The following C16orf90 variants were observed in gnomAD, a reference collection of about 807,000 sequenced individuals.
The protein encoded by C16orf90 is uncharacterized protein C16orf90.
Under a neutral mutation model 17.1 loss-of-function variants are expected in C16orf90, and 17 were observed. The observed-to-expected ratio is 1.00, with a 90% CI of 0.68 to 1.49. The LOEUF (loss-of-function observed/expected upper bound fraction) is 1.49, where lower values mean the gene tolerates loss of function less well. Among genes scored for constraint, C16orf90 ranks in the 40% most tolerant of loss-of-function variants. The pLI, the probability that C16orf90 is intolerant of heterozygous loss-of-function variation, is 0.00. For synonymous variants in C16orf90, 108 were observed against 95.8 expected (o/e 1.13, Z -0.75); for missense variants, 255 against 235.5 (o/e 1.08, Z -0.54).
At position 3,495,448 on chromosome 16, in the gene C16orf90, A is replaced by C; in HGVS notation, c.-27T>G. 1 of 1,606,578 alleles carries C rather than the reference A, an allele frequency of 6.2e-7. No homozygotes were observed. The highest frequency in any genetic ancestry group is 1.1e-5 in the South Asian group (1 of 89,486). On this transcript the variant is annotated 5_prime_UTR_variant, in exon 1 of 3. Coordinates refer to ENST00000437192, the MANE Select transcript of C16orf90 (RefSeq NM_001080524.2). ...GAGGGCCAGTGTGGTGGGGAGGAGC[A>C]ACCAGGACTTGGGTGCAGCAGGGCC...
chr16:3,496,168 C>T (rs2037306449), upstream of C16orf90: 3 of 473,434 alleles, frequency 6.3e-6, no homozygotes, highest in African/African-American at 4.1e-5. Flanking sequence ...AAACATTCAT[C>T]TTTCCGGACC....
At chr16:3,496,604 G>C (rs902693163), upstream of C16orf90, 3 of 531,034 alleles carry the variant, frequency 5.6e-6, no homozygotes, top group Non-Finnish European at 1.1e-5. Context: ...CCTCAAGGAC[G>C]GCGGCCCCGT....
rs780834035 is a variant in C16orf90 at position 3,494,772 on chromosome 16, C to T, written c.152G>A (p.Gly51Glu). 6 of 1,600,076 alleles carry T rather than the reference C, an allele frequency of 3.7e-6. No individual in the cohort carries two copies. The highest frequency in any genetic ancestry group is 5.1e-6 in the Non-Finnish European group (6 of 1,174,014). ...CAGCCGGAAGTTCTTGGGCTTGCTT[C>T]CCTGGGCACTGGGGCACTGCGGCTG... Reference protein sequence around the residue: ...SPQPQCPSAQGSKPKNFRLRH... With the variant: ...SPQPQCPSAQESKPKNFRLRH... The change falls in exon 2 of 3, where the codon GGA (glycine) becomes GAA (glutamate). Residue 51 changes from glycine (G) to glutamate (E), a missense_variant. Coordinates refer to ENST00000437192, the MANE Select transcript of C16orf90 (RefSeq NM_001080524.2).
Position 3,493,805 on chromosome 16 carries a change from C to T in C16orf90, c.*34G>A. The T allele has an allele frequency of 6.4e-7, 1 of 1,561,540 alleles. No homozygotes were observed. The highest frequency in any genetic ancestry group is 1.9e-5 in the Admixed American group (1 of 53,734). ...TCAGGCTGCCTCCTCGGCCATCCTG[C>T]CCCTCCTGTACCCAGTCCTGGCACT... On this transcript the variant is annotated 3_prime_UTR_variant, in exon 3 of 3. Transcript: ENST00000437192.
At position 3,494,751 on chromosome 16, in the gene C16orf90, C is replaced by G. The variant is rs376776180; in HGVS notation, c.173G>C (p.Arg58Pro). The G allele has an allele frequency of 1.2e-6, 2 of 1,603,542 alleles. No individual in the cohort carries two copies. Among genetic ancestry groups the G allele is most frequent in the Non-Finnish European group, 1.7e-6 (2 of 1,175,750 alleles). ...GCCCAGGCCCCGGAGGTGGCGCAGC[C>G]GGAAGTTCTTGGGCTTGCTTCCCTG... Reference protein sequence around the residue: ...SAQGSKPKNFRLRHLRGLGLY... With the variant: ...SAQGSKPKNFPLRHLRGLGLY... Residue 58 changes from arginine (R) to proline (P), a missense_variant, in exon 2 of 3, where the codon CGG (arginine) becomes CCG (proline). Arg to Pro is a moderately radical substitution (Grantham distance 103). Coordinates refer to ENST00000437192, the MANE Select transcript of C16orf90 (RefSeq NM_001080524.2).
chr16:3,496,140 C>CAAA (rs74546027), upstream of C16orf90: 16 of 342,952 alleles, frequency 4.7e-5, no homozygotes, highest in Non-Finnish European at 6.7e-5. Context: ...GACTCCGTCT[C>CAAA]AAAAAAAAAA....
upstream of C16orf90, chr16:3,496,138 C>A: frequency 2.6e-6 from 1 of 388,788 alleles, no homozygotes; most frequent in South Asian, 2.0e-5. Context: ...GAGACTCCGT[C>A]TCAAAAAAAA....
intron 2 of C16orf90, 106 bp from the exon 3 acceptor site, chr16:3,494,093 C>T: frequency 1.0e-6 from 1 of 974,252 alleles, no homozygotes; most frequent in Non-Finnish European, 1.5e-6. Flanking sequence ...TTCTTGAAAA[C>T]AGAAGGGAGG....
Position 3,493,983 on chromosome 16 carries a change from G to A in C16orf90, c.405C>T (p.Ser135=). The change falls in exon 3 of 3, where the codon TCC becomes TCT. Residue 135 remains serine, a synonymous_variant. Coordinates refer to ENST00000437192, the MANE Select transcript of C16orf90 (RefSeq NM_001080524.2). ...CCTTGTCTGGGTCCATGCTGGAACTGGAAGCTGAGGAAAGAGGAGAGAAAG... is the reference window on the plus strand; with the variant it reads ...CCTTGTCTGGGTCCATGCTGGAACTAGAAGCTGAGGAAAGAGGAGAGAAAG... ...LPRDSLGSSA[S]SSSMDPDKGA... 6.2e-7 allele frequency: 1 copy of A among 1,605,696 alleles called. No individual in the cohort carries two copies. Among genetic ancestry groups the A allele is most frequent in the Non-Finnish European group, 8.5e-7 (1 of 1,174,786 alleles).
intron 1 of C16orf90, 48 bp from the exon 2 acceptor site, chr16:3,494,925 C>T: frequency 1.5e-6 from 2 of 1,355,070 alleles, no homozygotes; most frequent in Non-Finnish European, 2.0e-6. Context: ...CCACAGCAGC[C>T]ATGAGGGGAG....
chr16:3,496,212 C>A, upstream of C16orf90: 1 of 581,724 alleles, frequency 1.7e-6, no homozygotes, highest in Non-Finnish European at 3.3e-6. Flanking sequence ...TGGGAGCTGA[C>A]GTCCGCCACA....
chr16:3,496,057 C>T, upstream of C16orf90: 1 of 325,286 alleles, frequency 3.1e-6, no homozygotes, highest in Non-Finnish European at 6.0e-6. Flanking sequence ...AGGAGAATGG[C>T]GTGAACCCGG....
At chr16:3,495,581 G>C, upstream of C16orf90, 3 of 1,436,218 alleles carry the variant, frequency 2.1e-6, no homozygotes, top group Non-Finnish European at 1.8e-6. Flanking sequence ...GTTTGGGAGA[G>C]GACAGTGCCC....
rs1596376076 is a variant in C16orf90, at chr16:3,494,834, T to G, written c.90A>C (p.Ala30=). 6.5e-7 allele frequency: 1 copy of G among 1,541,936 alleles called. No homozygotes were observed. The highest frequency in any genetic ancestry group is 2.1e-5 in the Admixed American group (1 of 47,660). The change falls in exon 2 of 3, where the codon GCA becomes GCC. Residue 30 remains alanine (A), a synonymous_variant. Transcript: ENST00000437192. ...QAQGRPGHPD[A]PPNIYEGGLG... is the part of the protein sequence containing the mutation. Reference sequence around the variant, plus strand: ...GGCCCCCCTCGTAGATGTTGGGGGGTGCGTCAGGGTGGCCGGGGCGTCCTT... The same window carrying G: ...GGCCCCCCTCGTAGATGTTGGGGGGGGCGTCAGGGTGGCCGGGGCGTCCTT...
In C16orf90 at chr16:3,493,517, T is replaced by C. The variant is rs1251561253; in HGVS notation, c.*322A>G. 3 of 239,610 alleles carry C rather than the reference T, an allele frequency of 1.3e-5. No homozygotes were observed. Among genetic ancestry groups the C allele is most frequent in the Non-Finnish European group, 2.5e-5 (3 of 117,688 alleles). 14.8% of individuals were successfully genotyped at this position (239,610 alleles called of 1,614,324 possible). A position where few individuals can be genotyped will look rare whatever the true frequency, so the allele number is the denominator to read the frequency against. Reference sequence around the variant, plus strand: ...TTGGCTTTTATTGAGATCAGAGCTGTGGGCTCCCCGGCCTCTCAGGGAGGC... The same window carrying C: ...TTGGCTTTTATTGAGATCAGAGCTGCGGGCTCCCCGGCCTCTCAGGGAGGC... On this transcript the variant is annotated 3_prime_UTR_variant, in exon 3 of 3. Transcript: ENST00000437192.
rs1049182501 is a variant in C16orf90 at position 3,494,771 on chromosome 16, T to G, written c.153A>C (p.Gly51=). Residue 51 remains glycine, a synonymous_variant, in exon 2 of 3, where the codon GGA becomes GGC. Coordinates refer to ENST00000437192, the MANE Select transcript of C16orf90 (RefSeq NM_001080524.2). ...SPQPQCPSAQ[G]SKPKNFRLRH... is the part of the protein sequence containing the mutation. ...GCAGCCGGAAGTTCTTGGGCTTGCT[T>G]CCCTGGGCACTGGGGCACTGCGGCT... 6.2e-7 allele frequency: 1 copy of G among 1,600,550 alleles called. No homozygotes were observed. The highest frequency in any genetic ancestry group is 8.5e-7 in the Non-Finnish European group (1 of 1,174,174).
chr16:3,496,066 G>A (rs1339984723), upstream of C16orf90: 2 of 327,166 alleles, frequency 6.1e-6, no homozygotes, highest in Non-Finnish European at 5.9e-6. Flanking sequence ...GCGTGAACCC[G>A]GGAGGCGAAG....
rs761264066 is a variant in C16orf90, at chr16:3,494,633, C to T, written c.291G>A (p.Glu97=). The T allele has an allele frequency of 1.1e-5, 18 of 1,611,780 alleles. No homozygotes were observed. The highest frequency in any genetic ancestry group is 4.0e-5 in the African/African-American group (3 of 74,936). The change falls in exon 2 of 3, where the codon GAG becomes GAA. Residue 97 remains glutamate (E), a synonymous_variant. Transcript: ENST00000437192. ...GCAGGTCCAGGGCCCAGGCTGTGCC[C>T]TCAGGCTGTGGCAGGCAGCCCCCAG... ...LMAGGCLPQP[E]GTAWALDLPQ...
intron 2 of C16orf90, 25 bp downstream of exon 2, chr16:3,494,499 C>T: frequency 6.2e-7 from 1 of 1,601,226 alleles, no homozygotes; most frequent in Non-Finnish European, 8.5e-7. Flanking sequence ...TCCCCCGTGC[C>T]CAGTCCTGCC....
Sources: gnomAD v4.1 joint callset for allele counts on GRCh38, gnomAD v4.1.1 for gene constraint, MANE v1.5 for transcripts, NCBI Gene and HGNC (gene_info 2026-07-23, HGNC 2026-07-21) for gene names.